The following DLGAP1 variants were observed in gnomAD, a reference collection of about 807,000 sequenced individuals.
The protein encoded by DLGAP1 is DLG associated protein 1, also known as disks large-associated protein 1.
DLGAP1 carries 11 observed loss-of-function variants against 90.8 expected under a neutral mutation model. The ratio of observed to expected loss-of-function variants is 0.12; its 90% CI spans 0.08 to 0.20. The LOEUF (loss-of-function observed/expected upper bound fraction) is 0.20. Among genes scored for constraint, DLGAP1 ranks in the 10% least tolerant of loss-of-function variants. The pLI is 1.00. For missense variants in DLGAP1, 1,050 were observed against 1,333.8 expected (o/e 0.79, Z 3.31); for synonymous variants, 558 against 540.7 (o/e 1.03, Z -0.44).
chr18:3,742,320 C>T lies in DLGAP1; in HGVS notation c.1350+15G>A, dbSNP rs752077373. ...ACTAATGGCTCCTGACCACCGCTGCCCTGACGGCCCTCACCTGGCTGATGG... is the reference window on the plus strand; with the variant it reads ...ACTAATGGCTCCTGACCACCGCTGCTCTGACGGCCCTCACCTGGCTGATGG... On this transcript the variant is annotated intron_variant, in intron 6 of 12. Transcript: ENST00000315677. 1 of 1,611,042 alleles carries T rather than the reference C, an allele frequency of 6.2e-7. No individual in the cohort carries two copies. Among genetic ancestry groups the T allele is most frequent in the Non-Finnish European group, 8.5e-7 (1 of 1,177,556 alleles).
In DLGAP1 at chr18:3,933,027, A is replaced by C. The variant is rs370175451; in HGVS notation, c.-72-52887T>G. Among the ~76,000 whole-genome samples, 24 of 152,310 alleles carry C rather than the reference A, an allele frequency of 1.6e-4. No individual in the cohort carries two copies. The East Asian group carries it at 2.1e-3, about 13-fold the overall frequency. ...AGTTCCCCACTTAGAGCAACATGAA[A>C]ATCTCTACAGATTCCATGGGGAAAC... On this transcript the variant is annotated intron_variant, in intron 3 of 12. Transcript: ENST00000315677.
At chr18:4,452,280 G>T (rs2083853228) in intron 1 of DLGAP1, among the ~76,000 whole-genome samples, 3 of 152,020 alleles carry the variant, frequency 2.0e-5, no homozygotes, top group African/African-American at 7.2e-5. Context: ...CTCTGAATTT[G>T]AAATATTACG....
intron 7 of DLGAP1, among the ~76,000 whole-genome samples, chr18:3,673,905 CG>C (rs1474427946): frequency 1.4e-5 from 2 of 141,178 alleles, no homozygotes; most frequent in East Asian, 4.4e-4. Context: ...TGCAGTGGTG[CG>C]ATCTCAGCTC....
chr18:4,150,554 C>A (rs2076658478), intron 2 of DLGAP1, among the ~76,000 whole-genome samples: 1 of 152,174 alleles, frequency 6.6e-6, no homozygotes, highest in African/African-American at 2.4e-5. Context: ...CTGCCTCAGT[C>A]TCCCCAGTAG....
At chr18:4,351,757 T>C (rs940691290) in intron 1 of DLGAP1, among the ~76,000 whole-genome samples, 4 of 152,312 alleles carry the variant, frequency 2.6e-5, no homozygotes, top group African/African-American at 7.2e-5. Context: ...GTGCTGCAAA[T>C]TGAATCATTA....
chr18:3,736,383 T>C (rs1185792781), intron 6 of DLGAP1, among the ~76,000 whole-genome samples: 1 of 152,084 alleles, frequency 6.6e-6, no homozygotes, highest in Admixed American at 6.5e-5. Context: ...CCAAGCACAA[T>C]CTGTTTTTAG....
chr18:3,515,246 G>A (rs1396839998), intron 10 of DLGAP1, among the ~76,000 whole-genome samples: 1 of 151,840 alleles, frequency 6.6e-6, no homozygotes. Flanking sequence ...CAAGGTGGGT[G>A]GATCACGAGG....
intron 7 of DLGAP1, among the ~76,000 whole-genome samples, chr18:3,680,809 A>G (rs1318262195): frequency 4.2e-5 from 6 of 143,270 alleles, no homozygotes; most frequent in Non-Finnish European, 7.6e-5. Context: ...AAAAAAAAGG[A>G]GGAAAAATAC....
intron 7 of DLGAP1, among the ~76,000 whole-genome samples, chr18:3,675,224 C>T (rs2060255675): frequency 6.6e-6 from 1 of 152,182 alleles, no homozygotes; most frequent in Non-Finnish European, 1.5e-5. Context: ...ACATGCTCCA[C>T]CACGCCTGGC....
intron 4 of DLGAP1, among the ~76,000 whole-genome samples, chr18:3,868,203 A>C (rs1192093085): frequency 6.6e-6 from 1 of 152,152 alleles, no homozygotes; most frequent in Non-Finnish European, 1.5e-5. Context: ...AGAAGGCTGG[A>C]GGAGTGTTAT....
At chr18:4,294,804 G>A (rs1028721423) in intron 1 of DLGAP1, 4 of 152,292 alleles carry the variant, frequency 2.6e-5, no homozygotes, top group African/African-American at 9.6e-5. Flanking sequence ...GTTTTATTGA[G>A]TGGTGGAGGT....
intron 1 of DLGAP1, among the ~76,000 whole-genome samples, chr18:4,317,832 C>T (rs1007862356): frequency 6.6e-6 from 1 of 152,138 alleles, no homozygotes; most frequent in African/African-American, 2.4e-5. Flanking sequence ...ATAAAAAGAG[C>T]TAAAAGCTTT....
chr18:3,828,459 G>A (rs1036805698), intron 4 of DLGAP1, among the ~76,000 whole-genome samples: 1 of 151,998 alleles, frequency 6.6e-6, no homozygotes, highest in Non-Finnish European at 1.5e-5. Context: ...GGGCAACAGA[G>A]CAAGACCTCA....
chr18:4,049,692 A>G (rs1761670150), intron 2 of DLGAP1, among the ~76,000 whole-genome samples: 1 of 151,790 alleles, frequency 6.6e-6, no homozygotes, highest in Admixed American at 6.6e-5. Context: ...CCAAGGACAG[A>G]CTCCTCAGAT....
intron 1 of DLGAP1, among the ~76,000 whole-genome samples, chr18:4,215,930 A>C (rs1056720102): frequency 1.3e-5 from 2 of 152,158 alleles, no homozygotes; most frequent in African/African-American, 2.4e-5. Flanking sequence ...TACTAGGGAC[A>C]TAGACAAAAA....
intron 2 of DLGAP1, among the ~76,000 whole-genome samples, chr18:4,101,037 T>C (rs1158115039): frequency 1.3e-5 from 2 of 152,218 alleles, no homozygotes. Flanking sequence ...GTGCATTTAC[T>C]GGGGCAGCAC....
chr18:3,735,526 A>C, intron 6 of DLGAP1, among the ~76,000 whole-genome samples: 1 of 152,154 alleles, frequency 6.6e-6, no homozygotes, highest in Non-Finnish European at 1.5e-5. Flanking sequence ...CTTGGCCCAA[A>C]ATTCATATTA....
At chr18:4,429,853 A>C (rs2083244028) in intron 1 of DLGAP1, among the ~76,000 whole-genome samples, 1 of 152,250 alleles carries the variant, frequency 6.6e-6, no homozygotes, top group Non-Finnish European at 1.5e-5. Flanking sequence ...GAATAGTCAT[A>C]AACTGTAATT....
At chr18:4,345,943 G>C (rs547037391) in intron 1 of DLGAP1, among the ~76,000 whole-genome samples, 1 of 152,244 alleles carries the variant, frequency 6.6e-6, no homozygotes, top group African/African-American at 2.4e-5. Flanking sequence ...CACTGATCTG[G>C]GATTATATCT....
Sources: gnomAD v4.1 joint callset for allele counts (sites outside exome capture counted in the v4.1 genomes callset) on GRCh38, gnomAD v4.1.1 for gene constraint, MANE v1.5 for transcripts, NCBI Gene and HGNC (gene_info 2026-07-23, HGNC 2026-07-21) for gene names.